LPA: variants seen among roughly 807,000 people sequenced by gnomAD.
The protein encoded by LPA is lipoprotein(a), also known as apolipoprotein(a).
LPA carries 199 observed loss-of-function variants against 197.9 expected under a neutral mutation model. The ratio of observed to expected loss-of-function variants is 1.01; its 90% CI spans 0.90 to 1.13. The LOEUF (loss-of-function observed/expected upper bound fraction) is 1.13. Ranked by LOEUF, LPA falls within the 50% of genes most tolerant of loss-of-function variation. The pLI is 0.00. For synonymous variants in LPA, 715 were observed against 639.5 expected (o/e 1.12, Z -1.78); for missense variants, 1,853 against 1,785.8 (o/e 1.04, Z -0.68).
chr6:160,595,085 T>A (rs919525719), intron 21 of LPA, among the ~76,000 whole-genome samples: 4 of 152,276 alleles, frequency 2.6e-5, no homozygotes, highest in Middle Eastern at 6.8e-3. Flanking sequence ...GACACTAAAA[T>A]GATCCTTTGA....
intron 28 of LPA, among the ~76,000 whole-genome samples, chr6:160,559,741 C>A (rs953864225): frequency 6.6e-6 from 1 of 152,170 alleles, no homozygotes; most frequent in African/African-American, 2.4e-5. Flanking sequence ...TTAAATGAGT[C>A]TCCTGAAGGC....
chr6:160,657,536 T>C (rs1780152986), intron 1 of LPA, among the ~76,000 whole-genome samples: 1 of 151,864 alleles, frequency 6.6e-6, no homozygotes, highest in Non-Finnish European at 1.5e-5. Flanking sequence ...GTAGATGAGA[T>C]TACAGTTACG....
rs1779144551 is a variant in LPA at position 160,596,944 on chromosome 6, G to A, written c.3288-1409C>T. 1.3e-5 allele frequency among the ~76,000 whole-genome samples: 2 copies of A among 152,164 alleles called. 1 individual carries two copies. Among genetic ancestry groups the A allele is most frequent in the South Asian group, 4.1e-4 (2 of 4,832 alleles). ...AGTGATGTTTTCTTTGTCCCAAAGA[G>A]TATTTTGAAATGCACCGTATGACTC... is the stretch of plus-strand genomic sequence containing the variant. On this transcript the variant is annotated intron_variant, in intron 20 of 38. Transcript: ENST00000316300.
chr6:160,647,199 A>T (rs138351751), intron 2 of LPA, among the ~76,000 whole-genome samples: 1 of 152,180 alleles, frequency 6.6e-6, no homozygotes, highest in Non-Finnish European at 1.5e-5. Context: ...GTCCCATGGC[A>T]TAAAGGAAGA....
chr6:160,588,246 G>T lies in LPA; in HGVS notation c.3947+1307C>A, dbSNP rs79319956. ...ACTTGTATTTGTCCCTTGCCTCTAA[G>T]GGGGGTTGAGTTTTTTTTTTCTTGT... On this transcript the variant is annotated intron_variant, in intron 24 of 38. Coordinates refer to ENST00000316300, the MANE Select transcript of LPA (RefSeq NM_005577.4). Among the ~76,000 whole-genome samples, 527 of 151,280 alleles carry T rather than the reference G, an allele frequency of 3.5e-3. 8 individuals are homozygous for T. The East Asian group carries it at 0.036, about 10-fold the overall frequency.
chr6:160,648,986 G>A (rs41269880), intron 2 of LPA, among the ~76,000 whole-genome samples: 2,426 of 152,216 alleles, frequency 0.016, 65 homozygotes, highest in African/African-American at 0.056. Flanking sequence ...GCCTCACACT[G>A]TGGATACTGC....
In LPA at chr6:160,578,679, T is replaced by G; in HGVS notation, c.4315A>C (p.Asn1439His). The change falls in exon 27 of 39, where the codon AAT becomes CAT. Residue 1439 changes from asparagine to histidine, a missense_variant. Physicochemically the swap from Asn to His is moderately conservative, Grantham distance 68. Around this residue, in one of 3 missense-constraint regions of LPA, gnomAD observed 1,737 missense variants for 1,504.4 expected, o/e 1.15. Transcript: ENST00000316300. ...NAGLTRNYCR[N>H]PDAEIRPWCY... The stretch of plus-strand genomic sequence containing the variant: ...CAAGGGCGAATCTCAGCATCTGGAT[T>G]CCTGCAGTAGTTCCTGGTCAGGCCA... 1 of 1,613,894 alleles carries G rather than the reference T, an allele frequency of 6.2e-7. No homozygotes were observed. The highest frequency in any genetic ancestry group is 8.5e-7 in the Non-Finnish European group (1 of 1,179,906).
intron 28 of LPA, among the ~76,000 whole-genome samples, chr6:160,566,030 G>A (rs1778448463): frequency 6.6e-6 from 1 of 152,182 alleles, no homozygotes; most frequent in East Asian, 1.9e-4. Context: ...ATGGGACTAT[G>A]TGAAAAGACC....
chr6:160,578,744 G>A, intron 26 of LPA, 40 bp from the exon 27 acceptor site: 2 of 1,613,292 alleles, frequency 1.2e-6, no homozygotes, highest in Non-Finnish European at 1.7e-6. Context: ...AGAGATGGGA[G>A]AATATTCAAG....
At chr6:160,553,760 T>A (rs1778203529) in intron 30 of LPA, among the ~76,000 whole-genome samples, 1 of 152,254 alleles carries the variant, frequency 6.6e-6, no homozygotes, top group Admixed American at 6.5e-5. Flanking sequence ...TTCATACGTG[T>A]AAAGTCTTCA....
At chr6:160,574,574 C>T (rs1366217243) in intron 28 of LPA, among the ~76,000 whole-genome samples, 1 of 152,134 alleles carries the variant, frequency 6.6e-6, no homozygotes, top group Non-Finnish European at 1.5e-5. Flanking sequence ...CTGAGGTCTT[C>T]TCTGCTGCTT....
intron 30 of LPA, among the ~76,000 whole-genome samples, chr6:160,553,902 C>T (rs1004153943): frequency 2.2e-5 from 3 of 135,806 alleles, no homozygotes; most frequent in East Asian, 2.1e-4. Flanking sequence ...TTTTTTTCAG[C>T]CTTTCTCTCT....
At chr6:160,567,337 A>C (rs1190872786) in intron 28 of LPA, among the ~76,000 whole-genome samples, 5 of 152,248 alleles carry the variant, frequency 3.3e-5, no homozygotes. Context: ...AGGATTAAGA[A>C]ACTCATTAAA....
intron 28 of LPA, among the ~76,000 whole-genome samples, chr6:160,558,095 A>G (rs1778298507): frequency 6.6e-6 from 1 of 151,912 alleles, no homozygotes; most frequent in Middle Eastern, 3.4e-3. Context: ...AATTTTTTGT[A>G]TTTTTAGTAG....
chr6:160,603,259 T>TGTGTGTGC (rs952043659), intron 18 of LPA, among the ~76,000 whole-genome samples: 4 of 151,430 alleles, frequency 2.6e-5, no homozygotes, highest in East Asian at 1.9e-4. Context: ...TGTGTGTGTG[T>TGTGTGTGC]GCGTGCATGT....
intron 28 of LPA, among the ~76,000 whole-genome samples, chr6:160,557,907 A>G (rs1015850154): frequency 1.3e-5 from 2 of 152,036 alleles, no homozygotes; most frequent in Admixed American, 6.6e-5. Context: ...ATAGATTTTG[A>G]AGAGTGCATT....
At chr6:160,611,460 C>A (rs1779516163) in intron 16 of LPA, 102 bp downstream of exon 16, 1 of 1,545,624 alleles carries the variant, frequency 6.5e-7, no homozygotes, top group African/African-American at 1.4e-5. Context: ...CCATCTGAAT[C>A]TGACACAAGT....
In LPA at chr6:160,555,614, C is replaced by T. The variant is rs534860042; in HGVS notation, c.4973+411G>A. Among the ~76,000 whole-genome samples, 28 of 151,100 alleles carry T rather than the reference C, an allele frequency of 1.9e-4. 2 individuals are homozygous for T. In the East Asian group the frequency reaches 4.9e-3, roughly 26 times the overall value. On this transcript the variant is annotated intron_variant, in intron 30 of 38. Transcript: ENST00000316300. ...ACCTGGTTATATATATACTCATATA[C>T]ATGTGAATTATTTACTTGTGACCCA...
chr6:160,552,590 T>G (rs1778183976), intron 30 of LPA, among the ~76,000 whole-genome samples: 1 of 152,250 alleles, frequency 6.6e-6, no homozygotes, highest in Non-Finnish European at 1.5e-5. Flanking sequence ...TATATACTTT[T>G]GTTTCTTCAA....
Sources: allele counts gnomAD v4.1 joint callset (sites outside exome capture counted in the v4.1 genomes callset), GRCh38; gene constraint gnomAD v4.1.1; regional missense constraint gnomAD v4.1.1; transcripts MANE v1.5; gene names NCBI Gene and HGNC (gene_info 2026-07-23, HGNC 2026-07-21).